Variants in TEAD2 observed in about 807,000 individuals in gnomAD.
The protein encoded by TEAD2 is TEA domain transcription factor 2, also known as transcriptional enhancer factor TEF-4.
Under a neutral mutation model 61.4 loss-of-function variants are expected in TEAD2, and 51 were observed. The ratio of observed to expected loss-of-function variants is 0.83; its 90% CI spans 0.66 to 1.05. The LOEUF (loss-of-function observed/expected upper bound fraction) is 1.05. TEAD2 is among the 50% of genes least tolerant of loss of function. TEAD2 has a pLI of 0.00. For synonymous variants in TEAD2, 244 were observed against 243.2 expected (o/e 1.00, Z -0.03); for missense variants, 509 against 600.0 (o/e 0.85, Z 1.58).
chr19:49,342,425 C>T lies in TEAD2; in HGVS notation c.1242+13G>A, dbSNP rs1202259566. 5.6e-6 allele frequency: 9 copies of T among 1,611,542 alleles called. No individual in the cohort carries two copies. Among genetic ancestry groups the T allele is most frequent in the East Asian group, 2.2e-5 (1 of 44,774 alleles). On this transcript the variant is annotated intron_variant, in intron 12 of 12. Coordinates refer to ENST00000593945, the MANE Select transcript of TEAD2 (RefSeq NM_001256660.2). ...ACTGGGGGGCCCCACTCCAGCCCAG[C>T]CCCAGGCATCACCTGGAGGATGGTG...
In TEAD2 at chr19:49,340,728, A is replaced by G. The variant is rs960315706; in HGVS notation, c.*596T>C. 1.5e-5 allele frequency: 5 copies of G among 340,726 alleles called. No homozygotes were observed. Among genetic ancestry groups the G allele is most frequent in the South Asian group, 3.0e-5 (1 of 33,800 alleles). 21.1% of individuals were successfully genotyped at this position (340,726 alleles called of 1,614,324 possible). ...AGAAAGTTCAACACACTGCTTGTGC[A>G]GCGGAGATAAAGTCAAGACCCTAGC... is the stretch of plus-strand genomic sequence containing the variant. On this transcript the variant is annotated 3_prime_UTR_variant, in exon 13 of 13. Coordinates refer to ENST00000593945, the MANE Select transcript of TEAD2 (RefSeq NM_001256660.2).
chr19:49,344,957 T>C (rs1274090256), intron 10 of TEAD2, among the ~76,000 whole-genome samples: 1 of 152,106 alleles, frequency 6.6e-6, no homozygotes, highest in Non-Finnish European at 1.5e-5. Flanking sequence ...CTCTTCCTCT[T>C]CCTAACTTTA....
At chr19:49,352,534 C>A (rs1972090331) in intron 7 of TEAD2, among the ~76,000 whole-genome samples, 1 of 152,078 alleles carries the variant, frequency 6.6e-6, no homozygotes. Flanking sequence ...CACAGCAAGA[C>A]CCCAGCTCTA....
chr19:49,351,155 G>A lies in TEAD2; in HGVS notation c.604+146C>T. 4.0e-6 allele frequency: 3 copies of A among 742,140 alleles called. No individual in the cohort carries two copies. In the South Asian group the frequency reaches 5.5e-5, roughly 14 times the overall value. 46.0% of individuals were successfully genotyped at this position (742,140 alleles called of 1,614,324 possible). ...GATCACGCCACTGCACTCCAGCCTG[G>A]CGACAGAGGGAGACTCCATCTCAAA... On this transcript the variant is annotated intron_variant, in intron 8 of 12. Coordinates refer to ENST00000593945, the MANE Select transcript of TEAD2 (RefSeq NM_001256660.2).
At chr19:49,357,485 G>A in intron 3 of TEAD2, 171 bp from the exon 4 acceptor site, 1 of 701,470 alleles carries the variant, frequency 1.4e-6, no homozygotes, top group Non-Finnish European at 2.5e-6. Context: ...CCATAAAGGA[G>A]CTCGTGAACA....
chr19:49,348,489 CCAGCTGCAT>C (rs33974425), intron 9 of TEAD2, among the ~76,000 whole-genome samples: 41,405 of 151,890 alleles, frequency 0.27, 5,857 homozygotes, highest in South Asian at 0.45. Flanking sequence ...GGTCCCCAGA[CCAGCTGCAT>C]CAACGCACCT....
At chr19:49,360,946 G>A (rs371953667) in intron 1 of TEAD2, among the ~76,000 whole-genome samples, 2 of 117,730 alleles carry the variant, frequency 1.7e-5, no homozygotes, top group African/African-American at 3.3e-5. Flanking sequence ...TGAAGGGGGG[G>A]ACAGAGACCA....
At chr19:49,346,588 C>T (rs993621276) in intron 10 of TEAD2, among the ~76,000 whole-genome samples, 9 of 152,106 alleles carry the variant, frequency 5.9e-5, no homozygotes, top group African/African-American at 9.7e-5. Flanking sequence ...ATCCAGGAGG[C>T]GGAGGTTGCC....
intron 8 of TEAD2, among the ~76,000 whole-genome samples, chr19:49,349,455 T>A (rs1436796029): frequency 2.7e-5 from 4 of 147,534 alleles, no homozygotes; most frequent in African/African-American, 7.5e-5. Flanking sequence ...AGAGCGAGAC[T>A]CTGTCTCAAA....
In TEAD2 at chr19:49,340,998, GA is replaced by G; in HGVS notation, c.*325del. ...GAGTGGGGGTGGCCTGTCAGGGGCT[GA>G]AAAGAAAAGCCAGTGCTGTACCTGG... On this transcript the variant is annotated 3_prime_UTR_variant, in exon 13 of 13. Coordinates refer to ENST00000593945, the MANE Select transcript of TEAD2 (RefSeq NM_001256660.2). 4.1e-6 allele frequency: 1 copy of G among 245,846 alleles called. No individual in the cohort carries two copies. The highest frequency in any genetic ancestry group is 8.0e-6 in the Non-Finnish European group (1 of 125,458). 15.2% of individuals were successfully genotyped at this position (245,846 alleles called of 1,614,324 possible).
intron 7 of TEAD2, 65 bp downstream of exon 7, chr19:49,355,083 A>T: frequency 7.6e-7 from 1 of 1,307,242 alleles, no homozygotes; most frequent in Non-Finnish European, 1.1e-6. Context: ...AGGTGGAGTG[A>T]GAAAGGTCTC....
chr19:49,347,438 A>C, intron 9 of TEAD2, 75 bp from the exon 10 acceptor site: 1 of 1,526,486 alleles, frequency 6.6e-7, no homozygotes, highest in Non-Finnish European at 8.9e-7. Context: ...AGCCCACCAA[A>C]TGCCGTCACC....
chr19:49,351,910 C>T (rs1392128829), intron 7 of TEAD2, among the ~76,000 whole-genome samples: 1 of 151,744 alleles, frequency 6.6e-6, no homozygotes, highest in East Asian at 1.9e-4. Context: ...TGCTTGAACC[C>T]GGGAGGCAGA....
Position 49,341,567 on chromosome 19 carries a change from A to G in TEAD2, c.1243-130T>C, listed in dbSNP as rs1168414411. 4.2e-6 allele frequency: 3 copies of G among 720,260 alleles called. No individual in the cohort carries two copies. The African/African-American group carries it at 5.3e-5, about 13-fold the overall frequency. The allele number at this position is 720,260 out of a possible 1,614,324, so 44.6% of individuals were successfully genotyped here. A position where few individuals can be genotyped will look rare whatever the true frequency, so the allele number is the denominator to read the frequency against. On this transcript the variant is annotated intron_variant, in intron 12 of 12. Transcript: ENST00000593945. The surrounding 1 kb of genome is among the most constrained non-coding windows in gnomAD (Gnocchi z 4.2). The stretch of plus-strand genomic sequence containing the variant: ...TCTCCAGGAAACAGGCCGCCACCAT[A>G]TCATGTTCCCCAGGAGAAAGGGATG...
rs753692709 is a variant in TEAD2, at chr19:49,341,393, G to A, written c.1287C>T (p.Ala429=). Residue 429 remains alanine, a synonymous_variant, in exon 13 of 13, where the codon GCC becomes GCT. Transcript: ENST00000593945. The surrounding 1 kb of genome is among the most constrained non-coding windows in gnomAD (Gnocchi z 4.2). The stretch of plus-strand genomic sequence containing the variant: ...CGCTGGTGGAGACCTCGAAGACATA[G>A]GCGGTGCAGAGCAGCAGTTCCTGGG... ...RDTQELLLCT[A]YVFEVSTSER... The A allele has an allele frequency of 6.2e-7, 1 of 1,614,060 alleles. No homozygotes were observed. The highest frequency in any genetic ancestry group is 1.1e-5 in the South Asian group (1 of 91,084).
At chr19:49,343,866 G>GGGGA (rs1304067102) in intron 10 of TEAD2, among the ~76,000 whole-genome samples, 36 of 127,582 alleles carry the variant, frequency 2.8e-4, no homozygotes, top group Non-Finnish European at 5.0e-4. Flanking sequence ...GGGGGGGGGG[G>GGGGA]AACAGGGTCT....
intron 12 of TEAD2, 127 bp downstream of exon 12, chr19:49,342,311 G>T (rs1971342650): frequency 7.9e-7 from 1 of 1,264,514 alleles, no homozygotes; most frequent in Non-Finnish European, 1.1e-6. Flanking sequence ...GCCTCAGGCT[G>T]AGGGCTCACT....
chr19:49,352,228 A>G (rs1972071257), intron 7 of TEAD2, among the ~76,000 whole-genome samples: 1 of 152,150 alleles, frequency 6.6e-6, no homozygotes, highest in Admixed American at 6.6e-5. Flanking sequence ...CCAATACGGT[A>G]CCCAGTGCCC....
At chr19:49,355,995 G>A (rs912421587) in intron 4 of TEAD2, 25 bp from the exon 5 acceptor site, 62 of 1,254,734 alleles carry the variant, frequency 4.9e-5, no homozygotes, top group Non-Finnish European at 5.8e-5. Context: ...GGGGGAGGGT[G>A]CCAAAGGAGG....
Sources: gnomAD v4.1 joint callset for allele counts (sites outside exome capture counted in the v4.1 genomes callset) on GRCh38, gnomAD v4.1.1 for gene constraint, Gnocchi (gnomAD v3.1) non-coding constraint, MANE v1.5 for transcripts, NCBI Gene and HGNC (gene_info 2026-07-23, HGNC 2026-07-21) for gene names.